SEL1L3: variants seen among roughly 807,000 people sequenced by gnomAD.
The protein encoded by SEL1L3 is SEL1L family member 3, also known as protein sel-1 homolog 3.
Under a neutral mutation model 142.8 loss-of-function variants are expected in SEL1L3, and 76 were observed. The observed-to-expected ratio is 0.53, with a 90% CI of 0.44 to 0.64. The LOEUF (loss-of-function observed/expected upper bound fraction) is 0.64, where lower values mean the gene tolerates loss of function less well. Among genes scored for constraint, SEL1L3 ranks in the 30% least tolerant of loss-of-function variants. SEL1L3 has a pLI of 0.00. For missense variants in SEL1L3, 1,262 were observed against 1,381.7 expected (o/e 0.91, Z 1.37); for synonymous variants, 504 against 519.6 (o/e 0.97, Z 0.41).
intron 17 of SEL1L3, among the ~76,000 whole-genome samples, chr4:25,768,956 C>T (rs1403768751): frequency 6.6e-6 from 1 of 151,418 alleles, no homozygotes; most frequent in Non-Finnish European, 1.5e-5. Flanking sequence ...AAAATGCTAA[C>T]AATACTTATT....
the SEL1L3 span, among the ~76,000 whole-genome samples, chr4:25,730,376 T>C: frequency 0.17 from 25,299 of 152,078 alleles, 2,961 homozygotes; most frequent in African/African-American, 0.34. Context: ...ATCTTCTGGA[T>C]ATCGATGGGG....
chr4:25,732,969 C>T, the SEL1L3 span, among the ~76,000 whole-genome samples: 4 of 152,250 alleles, frequency 2.6e-5, no homozygotes, highest in East Asian at 7.7e-4. Flanking sequence ...TGGTCTCAAA[C>T]TCCTGACCTC....
chr4:25,849,096 A>G (rs1452983766), intron 1 of SEL1L3, among the ~76,000 whole-genome samples: 1 of 152,176 alleles, frequency 6.6e-6, no homozygotes, highest in Non-Finnish European at 1.5e-5. Flanking sequence ...CCAAGATCAC[A>G]CCACTGCACT....
At chr4:25,805,092 C>T (rs1713463638) in intron 9 of SEL1L3, among the ~76,000 whole-genome samples, 2 of 152,168 alleles carry the variant, frequency 1.3e-5, no homozygotes, top group South Asian at 2.1e-4. Flanking sequence ...ACCTTTTCCC[C>T]CTCTAAGACT....
At chr4:25,742,272 ATCT>A in the SEL1L3 span, among the ~76,000 whole-genome samples, 987 of 151,974 alleles carry the variant, frequency 6.5e-3, 15 homozygotes, top group African/African-American at 0.023. Context: ...TGCAGCCTCG[ATCT>A]TCTGGGCTCA....
At chr4:25,756,426 A>T in intron 23 of SEL1L3, 14 of 985,204 alleles carry the variant, frequency 1.4e-5, no homozygotes, top group Non-Finnish European at 1.6e-5. Context: ...ATGCCAGATA[A>T]ATATAACAGC....
At position 25,748,147 on chromosome 4, in the gene SEL1L3, T is replaced by A. The variant is rs1048433112; in HGVS notation, c.*278A>T. On this transcript the variant is annotated 3_prime_UTR_variant, in exon 24 of 24. Coordinates refer to ENST00000399878, the MANE Select transcript of SEL1L3 (RefSeq NM_015187.5). ...ATGCTATGACTCCTAATACATACAA[T>A]CACTAGAACAAAAGTCTGTGATGGC... 1 of 423,218 alleles carries A rather than the reference T, an allele frequency of 2.4e-6. No homozygotes were observed. The highest frequency in any genetic ancestry group is 2.0e-5 in the African/African-American group (1 of 50,050). 26.2% of individuals were successfully genotyped at this position (423,218 alleles called of 1,614,324 possible). A position where few individuals can be genotyped will look rare whatever the true frequency, so the allele number is the denominator to read the frequency against.
Position 25,765,380 on chromosome 4 carries a change from G to A in SEL1L3, c.2901C>T (p.Asp967=), listed in dbSNP as rs575491769. The change falls in exon 20 of 24, where the codon GAC becomes GAT. Residue 967 remains aspartate (D), a synonymous_variant. Coordinates refer to ENST00000399878, the MANE Select transcript of SEL1L3 (RefSeq NM_015187.5). ...CGTACATCTGCACAGACAACTCCAG[G>A]TCTTGTGACTGGTTTTGGTGGCCAT... ...YYYGHQNQSQ[D]LELSVQMYAQ... is the part of the protein sequence containing the mutation. 1.9e-6 allele frequency: 3 copies of A among 1,613,886 alleles called. No homozygotes were observed. The highest frequency in any genetic ancestry group is 2.2e-5 in the South Asian group (2 of 91,074).
intron 19 of SEL1L3, 82 bp downstream of exon 19, chr4:25,767,443 A>G (rs1718822921): frequency 1.3e-6 from 1 of 741,490 alleles, no homozygotes; most frequent in South Asian, 1.6e-5. Flanking sequence ...ACCTCACTTC[A>G]CACAAAGCTG....
At chr4:25,822,658 G>A (rs78754615) in intron 6 of SEL1L3, among the ~76,000 whole-genome samples, 2,225 of 152,312 alleles carry the variant, frequency 0.015, 63 homozygotes, top group African/African-American at 0.051. Context: ...ATTCAGTTAG[G>A]AGGAGGAGGA....
In SEL1L3 at chr4:25,847,934, T is replaced by A. The variant is rs2109310233; in HGVS notation, c.163-70A>T. 3.3e-6 allele frequency: 3 copies of A among 910,992 alleles called. No homozygotes were observed. In the East Asian group the frequency reaches 8.0e-5, roughly 24 times the overall value. The allele number at this position is 910,992 out of a possible 1,614,324, so 56.4% of individuals were successfully genotyped here. On this transcript the variant is annotated intron_variant, in intron 1 of 23. Transcript: ENST00000399878. ...ATCCTCATCATAACAGATACTTGAA[T>A]CATTATTTTCCTGGGATAAAAAAAT...
chr4:25,807,410 A>C (rs778186142), intron 9 of SEL1L3, among the ~76,000 whole-genome samples: 5 of 152,144 alleles, frequency 3.3e-5, no homozygotes, highest in Non-Finnish European at 7.3e-5. Flanking sequence ...CGTTCTACCC[A>C]GTCTTTAGTT....
the SEL1L3 span, among the ~76,000 whole-genome samples, chr4:25,741,108 C>CTT: frequency 4.5e-3 from 565 of 125,144 alleles, 6 homozygotes; most frequent in African/African-American, 0.016. Flanking sequence ...TGCTTTCTTT[C>CTT]TTTTTTTTTT....
chr4:25,751,892 C>T (rs796493852), intron 23 of SEL1L3, among the ~76,000 whole-genome samples: 24 of 151,698 alleles, frequency 1.6e-4, no homozygotes, highest in Admixed American at 9.9e-4. Context: ...AGGCAGATCA[C>T]GAGGACATGA....
At chr4:25,735,826 C>CTTTTTTTT in the SEL1L3 span, among the ~76,000 whole-genome samples, 7 of 101,578 alleles carry the variant, frequency 6.9e-5, no homozygotes, top group Non-Finnish European at 9.8e-5. Context: ...TCTAACTATT[C>CTTTTTTTT]TTTTTTTTTT....
chr4:25,729,859 A>T, the SEL1L3 span, among the ~76,000 whole-genome samples: 1 of 152,208 alleles, frequency 6.6e-6, no homozygotes, highest in Admixed American at 6.5e-5. Flanking sequence ...ATCATAAGAA[A>T]TCAAGTTCTC....
At chr4:25,783,641 G>A (rs1353462757) in intron 14 of SEL1L3, among the ~76,000 whole-genome samples, 1 of 152,246 alleles carries the variant, frequency 6.6e-6, no homozygotes, top group Non-Finnish European at 1.5e-5. Flanking sequence ...GTGCATGTAT[G>A]TGCATGTGTG....
chr4:25,812,844 C>T (rs1452484854), intron 9 of SEL1L3, among the ~76,000 whole-genome samples: 1 of 151,982 alleles, frequency 6.6e-6, no homozygotes, highest in Non-Finnish European at 1.5e-5. Flanking sequence ...AAAACCCCAT[C>T]TCTACTAAAA....
chr4:25,776,260 G>A lies in SEL1L3; in HGVS notation c.2669+17C>T, dbSNP rs376675043. Reference sequence around the variant, plus strand: ...GACAGGGAAAAAAGTTTGCTCTAACGTGGATCCCAAGCTTACCATGAACCT... The same window carrying A: ...GACAGGGAAAAAAGTTTGCTCTAACATGGATCCCAAGCTTACCATGAACCT... On this transcript the variant is annotated intron_variant, in intron 17 of 23. Transcript: ENST00000399878. The A allele has an allele frequency of 3.2e-5, 50 of 1,584,238 alleles. No homozygotes were observed. The highest frequency in any genetic ancestry group is 4.2e-5 in the Non-Finnish European group (49 of 1,156,242).
Sources: allele counts gnomAD v4.1 joint callset (sites outside exome capture counted in the v4.1 genomes callset), GRCh38; gene constraint gnomAD v4.1.1; transcripts MANE v1.5; gene names NCBI Gene and HGNC (gene_info 2026-07-23, HGNC 2026-07-21).